CCDC91: variants seen among roughly 807,000 people sequenced by gnomAD.
CCDC91 encodes the protein coiled-coil domain containing 91.
A neutral mutation model predicts 63.2 loss-of-function variants in CCDC91; 48 were observed. That is an observed-to-expected ratio of 0.76 (90% CI 0.60 to 0.97). The LOEUF (loss-of-function observed/expected upper bound fraction) is 0.97. Among genes scored for constraint, CCDC91 ranks in the 50% least tolerant of loss-of-function variants. The pLI, the probability that CCDC91 is intolerant of heterozygous loss-of-function variation, is 0.00. For missense variants in CCDC91, 500 were observed against 494.6 expected (o/e 1.01, Z -0.10); for synonymous variants, 167 against 165.8 (o/e 1.01, Z -0.06).
chr12:28,340,960 C>T (rs1159845728), intron 6 of CCDC91, among the ~76,000 whole-genome samples: 1 of 152,130 alleles, frequency 6.6e-6, no homozygotes, highest in Non-Finnish European at 1.5e-5. Flanking sequence ...TAGTTTTCAG[C>T]AGATGGGGTA....
intron 8 of CCDC91, among the ~76,000 whole-genome samples, chr12:28,395,385 C>T (rs142508934): frequency 6.6e-6 from 1 of 152,178 alleles, no homozygotes; most frequent in African/African-American, 2.4e-5. Flanking sequence ...GAAGACTGAC[C>T]TCACTTCAGA....
chr12:28,206,197 C>A (rs1292780293), intron 1 of CCDC91, among the ~76,000 whole-genome samples: 1 of 152,164 alleles, frequency 6.6e-6, no homozygotes, highest in East Asian at 1.9e-4. Flanking sequence ...TGAGTGAGCT[C>A]AGTCTAAAAC....
intron 6 of CCDC91, among the ~76,000 whole-genome samples, chr12:28,327,867 AGCAGGTTTG>A (rs910200974): frequency 7.4e-4 from 113 of 152,232 alleles, no homozygotes; most frequent in African/African-American, 2.4e-3. Context: ...CATCAGTCTT[AGCAGGTTTG>A]GTCATAATAG....
intron 1 of CCDC91, among the ~76,000 whole-genome samples, chr12:28,203,830 A>C (rs745776345): frequency 1.3e-5 from 2 of 152,150 alleles, no homozygotes; most frequent in Non-Finnish European, 2.9e-5. Context: ...GGAAATCTTC[A>C]GTTTAGGCTT....
chr12:28,214,528 A>G (rs1213489261), intron 1 of CCDC91, among the ~76,000 whole-genome samples: 1 of 152,200 alleles, frequency 6.6e-6, no homozygotes, highest in Non-Finnish European at 1.5e-5. Context: ...AGCTATTAAT[A>G]CAGAAACAAG....
intron 3 of CCDC91, among the ~76,000 whole-genome samples, chr12:28,263,673 T>A (rs1946978979): frequency 6.6e-6 from 1 of 152,184 alleles, no homozygotes; most frequent in East Asian, 1.9e-4. Context: ...TTTGTATTTT[T>A]AAATATTTTA....
At chr12:28,327,300 T>C (rs1232699456) in intron 6 of CCDC91, among the ~76,000 whole-genome samples, 3 of 152,094 alleles carry the variant, frequency 2.0e-5, no homozygotes, top group Admixed American at 2.0e-4. Flanking sequence ...CACAGGTGAA[T>C]GCTGGCAGCT....
At chr12:28,526,417 G>A (rs956411732) in intron 12 of CCDC91, among the ~76,000 whole-genome samples, 5 of 152,066 alleles carry the variant, frequency 3.3e-5, no homozygotes, top group Non-Finnish European at 5.9e-5. Context: ...TGTTTGAGGA[G>A]GCTAAAGATA....
At chr12:28,318,113 T>G (rs1293756119) in intron 6 of CCDC91, among the ~76,000 whole-genome samples, 1 of 151,924 alleles carries the variant, frequency 6.6e-6, no homozygotes, top group Non-Finnish European at 1.5e-5. Context: ...TTGATACCAT[T>G]TAAACAATGA....
chr12:28,429,984 A>C (rs1299196570), intron 8 of CCDC91, among the ~76,000 whole-genome samples: 2 of 151,998 alleles, frequency 1.3e-5, no homozygotes, highest in Non-Finnish European at 2.9e-5. Flanking sequence ...TGTATGGTAC[A>C]TTTCATCAGG....
intron 1 of CCDC91, among the ~76,000 whole-genome samples, chr12:28,207,676 A>G (rs918799321): frequency 6.6e-6 from 1 of 152,358 alleles, no homozygotes; most frequent in African/African-American, 2.4e-5. Context: ...GGAATGGAAC[A>G]TTGGTTATAA....
chr12:28,431,845 CA>C (rs1413979112), intron 8 of CCDC91, among the ~76,000 whole-genome samples: 1 of 151,992 alleles, frequency 6.6e-6, no homozygotes, highest in African/African-American at 2.4e-5. Context: ...TAATATGATA[CA>C]AAATAGTTTC....
chr12:28,364,870 G>C (rs1252242966), intron 7 of CCDC91, among the ~76,000 whole-genome samples: 2 of 151,900 alleles, frequency 1.3e-5, no homozygotes, highest in Admixed American at 1.3e-4. Flanking sequence ...ATATTATTAT[G>C]AAAGCTGATT....
chr12:28,324,390 A>G lies in CCDC91; in HGVS notation c.576+16641A>G, dbSNP rs1342377492. Among the ~76,000 whole-genome samples the G allele has an allele frequency of 2.6e-5, 4 of 152,018 alleles. No homozygotes were observed. In the East Asian group the frequency reaches 7.8e-4, roughly 30 times the overall value. ...GAGGGGGACTGTCAAGAGGTGGGCA[A>G]ATAACCTTTATGTGCATTAAATCTT... is the stretch of plus-strand genomic sequence containing the variant. On this transcript the variant is annotated intron_variant, in intron 6 of 12. Transcript: ENST00000536442.
chr12:28,373,127 A>G (rs987628037), intron 7 of CCDC91, among the ~76,000 whole-genome samples: 3 of 152,142 alleles, frequency 2.0e-5, no homozygotes, highest in African/African-American at 7.2e-5. Context: ...GATTGTAGGC[A>G]GTTTTTGTTC....
chr12:28,192,409 A>G (rs12368743), intron 1 of CCDC91, among the ~76,000 whole-genome samples: 88,871 of 151,942 alleles, frequency 0.58, 26,065 homozygotes, highest in East Asian at 0.61. Flanking sequence ...TGGAAGGGGA[A>G]TGTTTTAGAT....
In CCDC91 at chr12:28,259,452, T is replaced by A; in HGVS notation, c.109+10T>A. ...GCTGCCTTTCCTGCAGGTATTGGTA[T>A]CCAGGAATTAGGGTTTTTTTTTTTT... On this transcript the variant is annotated intron_variant, in intron 3 of 12. Coordinates refer to ENST00000536442, the MANE Select transcript of CCDC91 (RefSeq NM_018318.5). The A allele has an allele frequency of 1.3e-6, 2 of 1,490,646 alleles. No individual in the cohort carries two copies. The highest frequency in any genetic ancestry group is 1.9e-6 in the Non-Finnish European group (2 of 1,080,172). 92.3% of individuals were successfully genotyped at this position (1,490,646 alleles called of 1,614,324 possible). A position where few individuals can be genotyped will look rare whatever the true frequency, so the allele number is the denominator to read the frequency against.
At chr12:28,292,888 T>TACTA (rs1289661670) in intron 3 of CCDC91, among the ~76,000 whole-genome samples, 4 of 152,186 alleles carry the variant, frequency 2.6e-5, no homozygotes. Flanking sequence ...TGTACAATAA[T>TACTA]ACTTACGTTG....
At chr12:28,334,335 G>A (rs897357786) in intron 6 of CCDC91, among the ~76,000 whole-genome samples, 1 of 152,014 alleles carries the variant, frequency 6.6e-6, no homozygotes, top group African/African-American at 2.4e-5. Flanking sequence ...GAGGAAAACG[G>A]GTTTTATTTA....
Sources: gnomAD v4.1 joint callset for allele counts (sites outside exome capture counted in the v4.1 genomes callset) on GRCh38, gnomAD v4.1.1 for gene constraint, MANE v1.5 for transcripts, NCBI Gene and HGNC (gene_info 2026-07-23, HGNC 2026-07-21) for gene names.